The following DPP8 variants were observed in gnomAD, a reference collection of about 807,000 sequenced individuals.
DPP8 encodes dipeptidyl peptidase 8, also known as DPP VIII.
A neutral mutation model predicts 107.5 loss-of-function variants in DPP8; 31 were observed. That is an observed-to-expected ratio of 0.29 (90% CI 0.22 to 0.39). DPP8 has a LOEUF of 0.39. Among genes scored for constraint, DPP8 ranks in the 10% least tolerant of loss-of-function variants. The pLI, the probability that DPP8 is intolerant of heterozygous loss-of-function variation, is 1.00. For synonymous variants in DPP8, 381 were observed against 356.6 expected, an observed-to-expected ratio of 1.07 and a Z score of -0.77; for missense variants, 842 against 1,076.1, an observed-to-expected ratio of 0.78 and a Z score of 3.04.
intron 12 of DPP8, among the ~76,000 whole-genome samples, chr15:65,469,448 G>A (rs971958650): frequency 1.3e-5 from 2 of 151,170 alleles, no homozygotes; most frequent in Non-Finnish European, 3.0e-5. Flanking sequence ...GAGGTCAAGA[G>A]TTTGAGACCA....
chr15:65,453,672 T>C (rs1391147946), intron 17 of DPP8, among the ~76,000 whole-genome samples: 1 of 152,052 alleles, frequency 6.6e-6, no homozygotes, highest in Non-Finnish European at 1.5e-5. Context: ...GAGCCAAGAT[T>C]GCGTCACTGC....
chr15:65,455,630 A>C, intron 16 of DPP8: 1 of 1,179,240 alleles, frequency 8.5e-7, no homozygotes, highest in South Asian at 1.7e-5. Flanking sequence ...AGCCAAAAAC[A>C]AAAATAAAAA....
intron 16 of DPP8, among the ~76,000 whole-genome samples, chr15:65,455,235 T>C (rs11638458): frequency 0.21 from 31,306 of 152,046 alleles, 3,539 homozygotes; most frequent in African/African-American, 0.3. Context: ...GGGCTCAAGT[T>C]ATCCTCCCAC....
chr15:65,475,366 G>A, intron 11 of DPP8: 2 of 1,409,938 alleles, frequency 1.4e-6, no homozygotes, highest in Admixed American at 1.7e-5. Context: ...GGGCTTTGGA[G>A]GAACAGGAGA....
At chr15:65,494,781 T>A (rs1400564917) in intron 5 of DPP8, among the ~76,000 whole-genome samples, 1 of 152,012 alleles carries the variant, frequency 6.6e-6, no homozygotes, top group African/African-American at 2.4e-5. Flanking sequence ...GGGAGACCCA[T>A]TAAACACCAA....
chr15:65,472,134 T>A (rs2065950082), intron 12 of DPP8, among the ~76,000 whole-genome samples: 2 of 152,154 alleles, frequency 1.3e-5, no homozygotes, highest in Admixed American at 6.6e-5. Context: ...AAACACAGGG[T>A]AGACTTCCTT....
At chr15:65,448,671 CAAAA>C (rs56658742) in intron 19 of DPP8, among the ~76,000 whole-genome samples, 60 of 57,390 alleles carry the variant, frequency 1.0e-3, no homozygotes, top group Non-Finnish European at 1.2e-3. Context: ...AACTCCATCT[CAAAA>C]AAAAAAAAAA....
chr15:65,474,695 C>T (rs1384391494), intron 11 of DPP8, among the ~76,000 whole-genome samples: 1 of 152,238 alleles, frequency 6.6e-6, no homozygotes, highest in African/African-American at 2.4e-5. Context: ...TGGTCTTGAA[C>T]TGCTGGCCTA....
chr15:65,468,354 G>C (rs2065542127), intron 12 of DPP8, among the ~76,000 whole-genome samples: 1 of 152,060 alleles, frequency 6.6e-6, no homozygotes, highest in Non-Finnish European at 1.5e-5. Flanking sequence ...AATTAGCTGG[G>C]CATGGTGATG....
chr15:65,480,483 T>C, intron 9 of DPP8, 84 bp from the exon 10 acceptor site: 1 of 891,874 alleles, frequency 1.1e-6, no homozygotes, highest in Non-Finnish European at 1.7e-6. Flanking sequence ...TTGGCACCTA[T>C]CAATTATATC....
intron 14 of DPP8, 93 bp downstream of exon 14, chr15:65,466,585 G>A (rs1314682383): frequency 8.5e-7 from 1 of 1,180,322 alleles, no homozygotes; most frequent in African/African-American, 1.5e-5. Context: ...GAGATGGAAA[G>A]ACTTGTCCAG....
In DPP8 at chr15:65,517,607, T is replaced by C. The variant is rs1032829604; in HGVS notation, c.-133A>G. 7 of 152,542 alleles carry C rather than the reference T, an allele frequency of 4.6e-5. No homozygotes were observed. Among genetic ancestry groups the C allele is most frequent in the African/African-American group, 1.7e-4 (7 of 41,472 alleles). 9.4% of individuals were successfully genotyped at this position (152,542 alleles called of 1,614,324 possible). ...GTGGCTTCCTCGGCGGCGGCGCCGG[T>C]GACAACCCAGGCGGCGAACGCGGCA... On this transcript the variant is annotated 5_prime_UTR_variant, in exon 1 of 20. Coordinates refer to ENST00000300141, the MANE Select transcript of DPP8 (RefSeq NM_130434.5).
intron 8 of DPP8, among the ~76,000 whole-genome samples, chr15:65,482,272 C>T (rs1375952665): frequency 6.6e-6 from 1 of 151,984 alleles, no homozygotes; most frequent in Non-Finnish European, 1.5e-5. Flanking sequence ...TAGTCTCAAA[C>T]TCCTGGGCTC....
intron 14 of DPP8, among the ~76,000 whole-genome samples, chr15:65,464,861 T>C (rs953086025): frequency 2.0e-5 from 3 of 152,202 alleles, no homozygotes; most frequent in Non-Finnish European, 4.4e-5. Context: ...TTAAACCATA[T>C]ATCTGGTTAG....
chr15:65,471,513 A>ATT (rs35149810), intron 12 of DPP8, among the ~76,000 whole-genome samples: 2,555 of 125,218 alleles, frequency 0.02, 36 homozygotes, highest in Middle Eastern at 0.045. Context: ...TAACCAGCCT[A>ATT]TTTTTTTTTT....
intron 6 of DPP8, among the ~76,000 whole-genome samples, chr15:65,488,980 G>A (rs953947103): frequency 6.1e-4 from 93 of 152,048 alleles, no homozygotes; most frequent in African/African-American, 2.2e-3. Context: ...GTTTGTTTTC[G>A]AGACGGAGTC....
intron 10 of DPP8, among the ~76,000 whole-genome samples, chr15:65,479,421 C>G (rs967927698): frequency 6.6e-6 from 1 of 151,986 alleles, no homozygotes; most frequent in African/African-American, 2.4e-5. Flanking sequence ...TCTAATAGTT[C>G]AGGGGAAAAC....
intron 3 of DPP8, among the ~76,000 whole-genome samples, chr15:65,506,514 C>A (rs1047532969): frequency 3.3e-5 from 5 of 151,530 alleles, no homozygotes. Context: ...TGTGGGAAGC[C>A]GAGGCAGGCA....
At chr15:65,490,479 T>C (rs1460720183) in intron 5 of DPP8, among the ~76,000 whole-genome samples, 180 bp from the exon 6 acceptor site, 1 of 152,180 alleles carries the variant, frequency 6.6e-6, no homozygotes, top group African/African-American at 2.4e-5. Context: ...TCCAATCTCA[T>C]TCCACTGCAG....
Sources: allele counts gnomAD v4.1 joint callset (sites outside exome capture counted in the v4.1 genomes callset), GRCh38; gene constraint gnomAD v4.1.1; transcripts MANE v1.5; gene names NCBI Gene and HGNC (gene_info 2026-07-23, HGNC 2026-07-21).